Variants in ATRNL1 observed in about 807,000 individuals in gnomAD.
The protein encoded by ATRNL1 is attractin like 1.
In ATRNL1, 95 loss-of-function variants were observed where a neutral mutation model predicts 182.7. The ratio of observed to expected loss-of-function variants is 0.52; its 90% CI spans 0.44 to 0.62. ATRNL1 has a LOEUF of 0.62. Among genes scored for constraint, ATRNL1 ranks in the 20% least tolerant of loss-of-function variants. The probability of loss-of-function intolerance (pLI) is 0.00; values close to 1 mark genes in which losing one functional copy is unlikely to be tolerated. For missense variants in ATRNL1, 1,471 were observed against 1,679.5 expected, an observed-to-expected ratio of 0.88 and a Z score of 2.17; for synonymous variants, 576 against 568.3, an observed-to-expected ratio of 1.01 and a Z score of -0.19.
Position 115,841,804 on chromosome 10 carries a change from C to T in ATRNL1, c.3904-6073C>T, listed in dbSNP as rs188888002. Among the ~76,000 whole-genome samples, 6 of 152,050 alleles carry T rather than the reference C, an allele frequency of 3.9e-5. No individual in the cohort carries two copies. The East Asian group carries it at 7.7e-4, about 20-fold the overall frequency. ...TTTCCCCAAGCCTAAACAATGGAAT[C>T]GGAGAATCTGTTTTTGAAATCTGGA... On this transcript the variant is annotated intron_variant, in intron 27 of 28. Coordinates refer to ENST00000355044, the MANE Select transcript of ATRNL1 (RefSeq NM_207303.4).
At chr10:115,696,457 G>A (rs1266518380) in intron 26 of ATRNL1, among the ~76,000 whole-genome samples, 5 of 152,144 alleles carry the variant, frequency 3.3e-5, no homozygotes, top group Non-Finnish European at 5.9e-5. Context: ...TTAACAGAGA[G>A]ATACCCTGTC....
At chr10:115,114,019 G>T (rs1279923616) in intron 1 of ATRNL1, among the ~76,000 whole-genome samples, 1 of 151,526 alleles carries the variant, frequency 6.6e-6, no homozygotes, top group East Asian at 1.9e-4. Flanking sequence ...TCATCTCATA[G>T]TTATTAAAAC....
At chr10:115,672,819 A>G (rs2532726) in intron 26 of ATRNL1, among the ~76,000 whole-genome samples, 26,797 of 152,018 alleles carry the variant, frequency 0.18, 3,025 homozygotes, top group South Asian at 0.27. Flanking sequence ...AAAAAGGCAA[A>G]AGAAATTCCT....
At chr10:115,184,592 G>A (rs1847871578) in intron 8 of ATRNL1, among the ~76,000 whole-genome samples, 1 of 151,622 alleles carries the variant, frequency 6.6e-6, no homozygotes, top group Non-Finnish European at 1.5e-5. Flanking sequence ...TACAAGGGGT[G>A]GTAGAGAATG....
intron 19 of ATRNL1, among the ~76,000 whole-genome samples, chr10:115,368,345 G>A (rs555047373): frequency 3.3e-5 from 5 of 152,192 alleles, no homozygotes; most frequent in East Asian, 1.9e-4. Flanking sequence ...TGACCCTTGC[G>A]CTTCCCAAGT....
intron 8 of ATRNL1, among the ~76,000 whole-genome samples, chr10:115,191,033 T>G (rs564962239): frequency 1.3e-5 from 2 of 152,186 alleles, no homozygotes; most frequent in African/African-American, 2.4e-5. Flanking sequence ...TCCGTGTTGT[T>G]GCAGATGACA....
chr10:115,519,191 A>C (rs1328858872), intron 24 of ATRNL1, 72 bp from the exon 25 acceptor site: 9 of 1,249,434 alleles, frequency 7.2e-6, no homozygotes, highest in Non-Finnish European at 9.2e-6. Flanking sequence ...CTGTATTTAC[A>C]AATGTCATGA....
At chr10:115,518,024 C>T (rs1198601861) in intron 24 of ATRNL1, among the ~76,000 whole-genome samples, 1 of 151,868 alleles carries the variant, frequency 6.6e-6, no homozygotes. Flanking sequence ...ATGAATATTA[C>T]TATATTTAAG....
At chr10:115,363,199 T>G (rs1277111614) in intron 19 of ATRNL1, among the ~76,000 whole-genome samples, 6 of 151,518 alleles carry the variant, frequency 4.0e-5, no homozygotes, top group Non-Finnish European at 7.4e-5. Context: ...CCTGACTTTT[T>G]AATGATCGCC....
At chr10:115,139,500 A>G (rs1264792) in intron 5 of ATRNL1, among the ~76,000 whole-genome samples, 13,063 of 152,192 alleles carry the variant, frequency 0.086, 1,848 homozygotes, top group African/African-American at 0.3. Context: ...GACAACAGAA[A>G]AAAGATTGTG....
chr10:115,136,173 A>G (rs1592150066), intron 5 of ATRNL1, among the ~76,000 whole-genome samples: 1 of 152,040 alleles, frequency 6.6e-6, no homozygotes. Flanking sequence ...ATAATATTTA[A>G]TTTTGTCATA....
chr10:115,475,436 A>G (rs1217895873), intron 24 of ATRNL1, among the ~76,000 whole-genome samples: 1 of 151,472 alleles, frequency 6.6e-6, no homozygotes, highest in African/African-American at 2.4e-5. Context: ...TATCAATGGA[A>G]GTAATCCAGT....
At chr10:115,695,245 G>T (rs1350099592) in intron 26 of ATRNL1, among the ~76,000 whole-genome samples, 1 of 152,068 alleles carries the variant, frequency 6.6e-6, no homozygotes, top group Non-Finnish European at 1.5e-5. Flanking sequence ...ATCTGAAGGA[G>T]AATTTTTTTA....
rs1454060522 is a variant in ATRNL1 at position 115,685,721 on chromosome 10, A to G, written c.3796-41527A>G. Among the ~76,000 whole-genome samples the G allele has an allele frequency of 4.6e-5, 7 of 151,978 alleles. No homozygotes were observed. In the South Asian group the frequency reaches 6.2e-4, roughly 13 times the overall value. The stretch of plus-strand genomic sequence containing the variant: ...AATAGATTGAATATTGTCATTGAAT[A>G]TCATCTGTATTTTTATTTGATGATT... On this transcript the variant is annotated intron_variant, in intron 26 of 28. Coordinates refer to ENST00000355044, the MANE Select transcript of ATRNL1 (RefSeq NM_207303.4).
intron 9 of ATRNL1, among the ~76,000 whole-genome samples, chr10:115,226,416 T>C (rs947630124): frequency 9.9e-5 from 15 of 152,000 alleles, no homozygotes; most frequent in African/African-American, 3.4e-4. Context: ...ACTATATTTA[T>C]ATGTCTAAAA....
intron 28 of ATRNL1, among the ~76,000 whole-genome samples, chr10:115,924,554 G>C (rs1349537859): frequency 6.6e-6 from 1 of 152,136 alleles, no homozygotes; most frequent in Non-Finnish European, 1.5e-5. Flanking sequence ...AGATCAGATG[G>C]TTGTAGATGT....
chr10:115,869,460 C>T (rs1186793628), intron 28 of ATRNL1, among the ~76,000 whole-genome samples: 1 of 152,096 alleles, frequency 6.6e-6, no homozygotes, highest in Non-Finnish European at 1.5e-5. Context: ...TGCATGCCTG[C>T]ATGCACAGGT....
At chr10:115,422,835 A>G (rs11197206) in intron 20 of ATRNL1, among the ~76,000 whole-genome samples, 46,639 of 152,050 alleles carry the variant, frequency 0.31, 8,529 homozygotes, top group Middle Eastern at 0.46. Flanking sequence ...TACGAACATA[A>G]AGAAGGGAAC....
Position 115,738,125 on chromosome 10 carries a change from GAT to G in ATRNL1, c.3903+10771_3903+10772del, listed in dbSNP as rs1491563156. Among the ~76,000 whole-genome samples the G allele has an allele frequency of 6.0e-3, 320 of 53,178 alleles. 28 individuals are homozygous for G. The highest frequency in any genetic ancestry group is 8.3e-3 in the Non-Finnish European group (219 of 26,272). The allele number at this position is 53,178 out of a possible 152,430, so 34.9% of individuals were successfully genotyped here. ...CATAAAAAATGATTTAGAAGATAATGATTTTTTTTTTTTTTTTTTTTTTTTTT... is the reference window on the plus strand; with the variant it reads ...CATAAAAAATGATTTAGAAGATAATGTTTTTTTTTTTTTTTTTTTTTTTTT... On this transcript the variant is annotated intron_variant, in intron 27 of 28. Transcript: ENST00000355044.
Sources: allele counts gnomAD v4.1 joint callset (sites outside exome capture counted in the v4.1 genomes callset), GRCh38; gene constraint gnomAD v4.1.1; transcripts MANE v1.5; gene names NCBI Gene and HGNC (gene_info 2026-07-23, HGNC 2026-07-21).